Variants in TAFA5 observed in about 807,000 individuals in gnomAD.
TAFA5 encodes the protein TAFA chemokine like family member 5.
In TAFA5, 6 loss-of-function variants were observed where a neutral mutation model predicts 15.3. The observed-to-expected ratio is 0.39, with a 90% CI of 0.21 to 0.77. The LOEUF (loss-of-function observed/expected upper bound fraction) is 0.77. Ranked by LOEUF, TAFA5 falls within the 30% of genes least tolerant of loss-of-function variation. TAFA5 has a pLI of 0.41. For missense variants in TAFA5, 161 were observed against 193.1 expected (o/e 0.83, Z 0.98); for synonymous variants, 103 against 80.7 (o/e 1.28, Z -1.48).
intron 1 of TAFA5, among the ~76,000 whole-genome samples, chr22:48,494,420 C>G (rs961535794): frequency 5.3e-5 from 8 of 152,144 alleles, no homozygotes; most frequent in African/African-American, 1.7e-4. Context: ...TGGAGATGGA[C>G]AAGGAGGACC....
intron 1 of TAFA5, among the ~76,000 whole-genome samples, chr22:48,639,044 T>G (rs1926580103): frequency 6.6e-6 from 1 of 152,192 alleles, no homozygotes; most frequent in African/African-American, 2.4e-5. Flanking sequence ...CCAGCTCTTC[T>G]TCTGGCCTCA....
At chr22:48,667,263 C>T (rs1056016642) in intron 2 of TAFA5, among the ~76,000 whole-genome samples, 3 of 152,040 alleles carry the variant, frequency 2.0e-5, no homozygotes, top group African/African-American at 4.8e-5. Context: ...CTAAGAGCCA[C>T]GCGCTCCTGG....
intron 1 of TAFA5, among the ~76,000 whole-genome samples, chr22:48,554,383 T>C (rs1922958600): frequency 6.6e-6 from 1 of 152,224 alleles, no homozygotes; most frequent in Admixed American, 6.5e-5. Context: ...ATCAAAATGA[T>C]TTACGATTAA....
chr22:48,676,045 G>A (rs1927961744), intron 2 of TAFA5, among the ~76,000 whole-genome samples: 1 of 152,170 alleles, frequency 6.6e-6, no homozygotes, highest in African/African-American at 2.4e-5. Context: ...GCCTTGGCTG[G>A]ACCATTTGAG....
At chr22:48,660,038 C>T (rs75526580) in intron 2 of TAFA5, among the ~76,000 whole-genome samples, 9,075 of 152,208 alleles carry the variant, frequency 0.06, 381 homozygotes, top group African/African-American at 0.11. Flanking sequence ...CGGCTCTGGG[C>T]CATGTTTGGG....
intron 2 of TAFA5, among the ~76,000 whole-genome samples, chr22:48,701,053 AG>A (rs1928889804): frequency 6.6e-6 from 1 of 152,022 alleles, no homozygotes; most frequent in Non-Finnish European, 1.5e-5. Context: ...AGCTGTGGAG[AG>A]GCCCGCAGCC....
At chr22:48,629,628 G>T (rs1034475349) in intron 1 of TAFA5, among the ~76,000 whole-genome samples, 2 of 152,202 alleles carry the variant, frequency 1.3e-5, no homozygotes, top group Non-Finnish European at 2.9e-5. Flanking sequence ...ACTAGAGATG[G>T]TTTTGCCCCT....
At chr22:48,724,485 C>T (rs1035270918) in intron 3 of TAFA5, among the ~76,000 whole-genome samples, 1 of 152,210 alleles carries the variant, frequency 6.6e-6, no homozygotes, top group African/African-American at 2.4e-5. Context: ...TCCATAGAAG[C>T]CTCCGTGGCT....
intron 1 of TAFA5, among the ~76,000 whole-genome samples, chr22:48,534,387 C>A (rs1826386015): frequency 1.3e-5 from 2 of 152,084 alleles, no homozygotes; most frequent in South Asian, 2.1e-4. Flanking sequence ...GCCGGGCGTT[C>A]CTCCGGGGGT....
intron 1 of TAFA5, among the ~76,000 whole-genome samples, chr22:48,613,086 C>T (rs941144057): frequency 1.3e-5 from 2 of 152,200 alleles, no homozygotes; most frequent in African/African-American, 2.4e-5. Flanking sequence ...TGGTGCAGCC[C>T]GGCCATTTCC....
chr22:48,634,280 C>A (rs1187347721), intron 1 of TAFA5, among the ~76,000 whole-genome samples: 1 of 152,026 alleles, frequency 6.6e-6, no homozygotes, highest in Non-Finnish European at 1.5e-5. Flanking sequence ...ATCACTCACT[C>A]ATCACTCATT....
At chr22:48,518,652 G>A (rs764420719) in intron 1 of TAFA5, among the ~76,000 whole-genome samples, 2 of 152,206 alleles carry the variant, frequency 1.3e-5, no homozygotes, top group Non-Finnish European at 2.9e-5. Context: ...GTGCTCAGCA[G>A]GGAGGGCTGA....
intron 2 of TAFA5, among the ~76,000 whole-genome samples, chr22:48,689,352 G>A (rs1035405508): frequency 2.6e-5 from 4 of 152,096 alleles, no homozygotes. Context: ...GTCCACATCT[G>A]GAGCACCCCC....
intron 3 of TAFA5, among the ~76,000 whole-genome samples, chr22:48,713,029 T>C (rs906934638): frequency 6.6e-6 from 1 of 152,258 alleles, no homozygotes; most frequent in South Asian, 2.1e-4. Flanking sequence ...GTAGTGTTTA[T>C]GTATTGCAAG....
intron 2 of TAFA5, among the ~76,000 whole-genome samples, chr22:48,689,548 G>A (rs756694096): frequency 2.0e-5 from 3 of 152,182 alleles, no homozygotes; most frequent in Non-Finnish European, 4.4e-5. Context: ...AGACAAAGTG[G>A]TGACGTGAGA....
chr22:48,639,603 C>G (rs1463616540), intron 1 of TAFA5, among the ~76,000 whole-genome samples: 1 of 152,192 alleles, frequency 6.6e-6, no homozygotes, highest in Non-Finnish European at 1.5e-5. Flanking sequence ...GTCACACCTC[C>G]TGGAGCCTGG....
chr22:48,538,046 G>A (rs1476763156), intron 1 of TAFA5, among the ~76,000 whole-genome samples: 4 of 152,246 alleles, frequency 2.6e-5, no homozygotes, highest in Non-Finnish European at 5.9e-5. Flanking sequence ...GCAGATTCAG[G>A]TGTGGATGCT....
chr22:48,648,553 C>T (rs1050876923), intron 2 of TAFA5, among the ~76,000 whole-genome samples: 2 of 152,068 alleles, frequency 1.3e-5, no homozygotes, highest in African/African-American at 4.8e-5. Context: ...AAAGAATGCC[C>T]GTATCAGCCA....
At chr22:48,610,185 TGGCCCCCGAGAA>T (rs1157490197) in intron 1 of TAFA5, among the ~76,000 whole-genome samples, 1 of 152,034 alleles carries the variant, frequency 6.6e-6, no homozygotes, top group Non-Finnish European at 1.5e-5. Flanking sequence ...GGCCTTCCCG[TGGCCCCCGAGAA>T]GGGCCTGGCT....
Sources: allele counts gnomAD v4.1 joint callset (sites outside exome capture counted in the v4.1 genomes callset), GRCh38; gene constraint gnomAD v4.1.1; transcripts MANE v1.5; gene names NCBI Gene and HGNC (gene_info 2026-07-23, HGNC 2026-07-21).